The following SPO11 variants were observed in gnomAD, a reference collection of about 807,000 sequenced individuals.
SPO11 encodes SPO11 initiator of meiotic double strand breaks, also known as meiotic recombination protein SPO11.
A neutral mutation model predicts 51.6 loss-of-function variants in SPO11; 49 were observed. That is an observed-to-expected ratio of 0.95 (90% CI 0.75 to 1.20). The LOEUF is 1.20. Among genes scored for constraint, SPO11 ranks in the 50% most tolerant of loss-of-function variants. SPO11 has a pLI of 0.00. For missense variants in SPO11, 431 were observed against 473.4 expected (o/e 0.91, Z 0.83); for synonymous variants, 176 against 158.2 (o/e 1.11, Z -0.84).
intron 11 of SPO11, among the ~76,000 whole-genome samples, 182 bp from the exon 12 acceptor site, chr20:57,342,547 C>T (rs998520913): frequency 6.6e-6 from 1 of 152,192 alleles, no homozygotes; most frequent in Non-Finnish European, 1.5e-5. Context: ...CCACTATGAA[C>T]TTGAAAACTT....
intron 11 of SPO11, among the ~76,000 whole-genome samples, chr20:57,341,334 G>T (rs1037706331): frequency 3.3e-5 from 5 of 152,164 alleles, no homozygotes; most frequent in African/African-American, 1.2e-4. Flanking sequence ...AAGAACTGGT[G>T]GGTCAAAGAG....
intron 1 of SPO11, 46 bp downstream of exon 1, chr20:57,330,044 A>T: frequency 6.6e-7 from 1 of 1,518,932 alleles, no homozygotes; most frequent in Non-Finnish European, 8.8e-7. Context: ...TCTGTAGAAA[A>T]GTCGGGCGCT....
At chr20:57,342,273 T>C (rs2066591730) in intron 11 of SPO11, among the ~76,000 whole-genome samples, 1 of 152,170 alleles carries the variant, frequency 6.6e-6, no homozygotes, top group South Asian at 2.1e-4. Context: ...TTATGAAGAA[T>C]TAAATACTCA....
intron 11 of SPO11, among the ~76,000 whole-genome samples, chr20:57,342,192 A>AGTGT (rs57588313): frequency 0.057 from 8,587 of 151,572 alleles, 590 homozygotes; most frequent in African/African-American, 0.17. Flanking sequence ...AAGTGATAAA[A>AGTGT]GTGTGTGTGT....
intron 7 of SPO11, 70 bp downstream of exon 7, chr20:57,335,525 C>G (rs2066501878): frequency 6.8e-7 from 1 of 1,479,042 alleles, no homozygotes; most frequent in Non-Finnish European, 9.3e-7. Context: ...CTTTGGTAAG[C>G]CAAGCCTTCA....
At chr20:57,331,003 G>A (rs1330594512) in intron 1 of SPO11, among the ~76,000 whole-genome samples, 1 of 152,110 alleles carries the variant, frequency 6.6e-6, no homozygotes, top group Non-Finnish European at 1.5e-5. Flanking sequence ...TGAAACACAA[G>A]TTTTCAGTAA....
At chr20:57,332,387 C>A (rs2066460644) in intron 2 of SPO11, among the ~76,000 whole-genome samples, 1 of 152,192 alleles carries the variant, frequency 6.6e-6, no homozygotes, top group African/African-American at 2.4e-5. Context: ...GAACATAGAG[C>A]ACATTTAAGG....
chr20:57,337,669 A>G, intron 8 of SPO11: 1 of 1,021,654 alleles, frequency 9.8e-7, no homozygotes, highest in South Asian at 1.4e-5. Flanking sequence ...CCTTAGGACC[A>G]TTTCCTAGGA....
At chr20:57,340,649 C>G (rs2066570602) in intron 11 of SPO11, among the ~76,000 whole-genome samples, 1 of 152,000 alleles carries the variant, frequency 6.6e-6, no homozygotes. Flanking sequence ...TGCCTGTAAT[C>G]CCAGCTACCG....
At chr20:57,330,529 G>C (rs1035910407) in intron 1 of SPO11, among the ~76,000 whole-genome samples, 6 of 152,104 alleles carry the variant, frequency 3.9e-5, no homozygotes, top group African/African-American at 1.4e-4. Flanking sequence ...TGTTTTGCAA[G>C]TGGAGAGAAT....
chr20:57,336,498 G>T (rs2066515094), intron 8 of SPO11, among the ~76,000 whole-genome samples: 1 of 152,106 alleles, frequency 6.6e-6, no homozygotes, highest in Non-Finnish European at 1.5e-5. Context: ...CTCCTTGCCA[G>T]TTCAAAAACT....
intron 11 of SPO11, among the ~76,000 whole-genome samples, chr20:57,342,228 ACACTAAC>A (rs2066591170): frequency 6.6e-6 from 1 of 152,204 alleles, no homozygotes; most frequent in Non-Finnish European, 1.5e-5. Context: ...TAAAAGTGAG[ACACTAAC>A]TTCCATGGCC....
chr20:57,335,423 T>C lies in SPO11; in HGVS notation c.602T>C (p.Val201Ala), dbSNP rs756701075. 7.5e-6 allele frequency: 12 copies of C among 1,610,406 alleles called. No homozygotes were observed. In the Admixed American group the frequency reaches 1.0e-4, roughly 14 times the overall value. ...TAAAAACTTTTTTTTTAAAAGGCTG[T>C]TGCTGTGCCATCGAATATTCAAGGA... ...KVNCTCGATA[V>A]AVPSNIQGIR... The change falls in exon 7 of 13, where the codon GTT (valine) becomes GCT (alanine). Residue 201 changes from valine to alanine, a missense_variant. Around this residue, in one of 3 missense-constraint regions of SPO11, gnomAD observed 405 missense variants for 425.9 expected, o/e 0.95. Coordinates refer to ENST00000371263, the MANE Select transcript of SPO11 (RefSeq NM_012444.3).
chr20:57,336,952 G>A lies in SPO11; in HGVS notation c.744+1045G>A, dbSNP rs1433513962. On this transcript the variant is annotated intron_variant, in intron 8 of 12. Coordinates refer to ENST00000371263, the MANE Select transcript of SPO11 (RefSeq NM_012444.3). ...GGAATGCAGGAAGGTATTTTACCACGTCTCTATGGCTATTCAAAACCAGGA... is the reference window on the plus strand; with the variant it reads ...GGAATGCAGGAAGGTATTTTACCACATCTCTATGGCTATTCAAAACCAGGA... Among the ~76,000 whole-genome samples the A allele has an allele frequency of 3.9e-5, 6 of 152,096 alleles. No individual in the cohort carries two copies. In the East Asian group the frequency reaches 5.8e-4, roughly 15 times the overall value.
rs775215538 is a variant in SPO11 at position 57,342,957 on chromosome 20, C to CG, written c.1071+117_1071+118insG. 106 of 732,696 alleles carry CG rather than the reference C, an allele frequency of 1.4e-4. 1 individual carries two copies. Among genetic ancestry groups the CG allele is most frequent in the African/African-American group, 2.1e-4 (12 of 56,264 alleles). 45.4% of individuals were successfully genotyped at this position (732,696 alleles called of 1,614,324 possible). ...TTGAAATTTTATATGACACGACTAA[C>CG]ATAAGTGTTGTTTGGCAGTAAATAG... On this transcript the variant is annotated intron_variant, in intron 12 of 12. Coordinates refer to ENST00000371263, the MANE Select transcript of SPO11 (RefSeq NM_012444.3).
In SPO11 at chr20:57,331,923, C is replaced by A; in HGVS notation, c.222C>A (p.Asn74Lys). The A allele has an allele frequency of 6.3e-7, 1 of 1,595,328 alleles. No individual in the cohort carries two copies. Among genetic ancestry groups the A allele is most frequent in the Non-Finnish European group, 8.5e-7 (1 of 1,171,000 alleles). ...RNEAPAFTID[N>K]RSSWENIKFE... ...AAGCACCTGCATTCACGATAGACAA[C>A]AGATCAAGCTGGGAAAACATAAAGT... is the stretch of plus-strand genomic sequence containing the variant. Residue 74 changes from asparagine (N) to lysine (K), a missense_variant, in exon 2 of 13, where the codon AAC becomes AAA. Around this residue, in one of 3 missense-constraint regions of SPO11, gnomAD observed 405 missense variants for 425.9 expected, o/e 0.95. Coordinates refer to ENST00000371263, the MANE Select transcript of SPO11 (RefSeq NM_012444.3).
Position 57,334,629 on chromosome 20 carries a change from T to C in SPO11, c.511-121T>C, listed in dbSNP as rs1188903023. ...AATCCCTTACATATTTTCTCTTTCA[T>C]CTCTGAAATTTCAATCCAAGTGAAA... On this transcript the variant is annotated intron_variant, in intron 5 of 12. Transcript: ENST00000371263. The C allele has an allele frequency of 1.3e-5, 9 of 672,900 alleles. No individual in the cohort carries two copies. In the East Asian group the frequency reaches 2.6e-4, roughly 20 times the overall value. The allele number at this position is 672,900 out of a possible 1,614,324, so 41.7% of individuals were successfully genotyped here.
intron 8 of SPO11, chr20:57,337,676 A>AGGACT: frequency 9.2e-7 from 1 of 1,082,094 alleles, no homozygotes; most frequent in Non-Finnish European, 1.2e-6. Flanking sequence ...ACCATTTCCT[A>AGGACT]GGACTGGCAT....
chr20:57,330,100 C>G (rs28368065), intron 1 of SPO11, 102 bp downstream of exon 1: 37,054 of 1,413,690 alleles, frequency 0.026, 684 homozygotes, highest in African/African-American at 0.089. Flanking sequence ...TGAGGAGGCA[C>G]CCCTTGGCGG....
Sources: gnomAD v4.1 joint callset for allele counts (sites outside exome capture counted in the v4.1 genomes callset) on GRCh38, gnomAD v4.1.1 for gene constraint, gnomAD v4.1.1 regional missense constraint, MANE v1.5 for transcripts, NCBI Gene and HGNC (gene_info 2026-07-23, HGNC 2026-07-21) for gene names.